The following PRH1 variants were observed in gnomAD, a reference collection of about 807,000 sequenced individuals.
PRH1 encodes the protein salivary acidic proline-rich phosphoprotein 1/2.
In PRH1, 7 loss-of-function variants were observed where a neutral mutation model predicts 7.9. The observed-to-expected ratio is 0.89, with a 90% CI of 0.50 to 1.67. PRH1 has a LOEUF of 1.67. Among genes scored for constraint, PRH1 ranks in the 40% most tolerant of loss-of-function variants. The probability of loss-of-function intolerance (pLI) is 0.00; values close to 1 mark genes in which losing one functional copy is unlikely to be tolerated. For synonymous variants in PRH1, 45 were observed against 80.8 expected, an observed-to-expected ratio of 0.56 and a Z score of 2.38; for missense variants, 109 against 223.6, an observed-to-expected ratio of 0.49 and a Z score of 3.27.
chr12:11,104,109 TTTAGA>T (rs1945336638), intron 1 of PRH1, among the ~76,000 whole-genome samples: 1 of 150,868 alleles, frequency 6.6e-6, no homozygotes, highest in African/African-American at 2.4e-5. Flanking sequence ...ATTCACTTTA[TTTAGA>T]TATTTGATTC....
intron 1 of PRH1, among the ~76,000 whole-genome samples, chr12:11,040,275 A>C (rs147531388): frequency 8.1e-4 from 123 of 152,316 alleles, no homozygotes; most frequent in African/African-American, 2.8e-3. Context: ...AATTGTTTCT[A>C]AGAGAGGATT....
chr12:10,934,142 T>A (rs1259983277), intron 2 of PRH1, among the ~76,000 whole-genome samples: 1 of 152,200 alleles, frequency 6.6e-6, no homozygotes, highest in Admixed American at 6.5e-5. Context: ...TTTAATGCCA[T>A]TGTGATAGCA....
chr12:11,014,345 C>A (rs1357582339), intron 1 of PRH1, among the ~76,000 whole-genome samples: 1 of 151,872 alleles, frequency 6.6e-6, no homozygotes, highest in African/African-American at 2.4e-5. Context: ...GGGCAGCATC[C>A]TGAAATCTAA....
At chr12:10,884,311 G>A (rs1183263200), upstream of PRH1, 3 of 1,550,516 alleles carry the variant, frequency 1.9e-6, no homozygotes, top group Non-Finnish European at 1.8e-6. Flanking sequence ...GTGCATTTGA[G>A]CTCCCTACCA....
chr12:11,094,231 G>A (rs1945018030), intron 1 of PRH1, among the ~76,000 whole-genome samples: 1 of 101,880 alleles, frequency 9.8e-6, no homozygotes, highest in African/African-American at 3.3e-5. Context: ...GAACCCCGGA[G>A]GCGGAGGTTG....
intron 1 of PRH1, among the ~76,000 whole-genome samples, chr12:11,155,456 A>T (rs751838907): frequency 6.6e-6 from 1 of 152,204 alleles, no homozygotes; most frequent in Non-Finnish European, 1.5e-5. Context: ...CAAAACTAGA[A>T]TTTTATGTGA....
chr12:10,985,813 C>T (rs2135980499), intron 1 of PRH1: 6 of 881,038 alleles, frequency 6.8e-6, no homozygotes, highest in Middle Eastern at 3.6e-4. Context: ...TCTAGGTATG[C>T]TTTCAGAAAA....
chr12:10,973,473 T>A, intron 2 of PRH1: 1 of 453,026 alleles, frequency 2.2e-6, no homozygotes, highest in Non-Finnish European at 3.9e-6. Context: ...ACAACTACTA[T>A]CAGCCTTAGG....
At chr12:11,161,675 T>C (rs1947419042) in intron 1 of PRH1, among the ~76,000 whole-genome samples, 1 of 152,048 alleles carries the variant, frequency 6.6e-6, no homozygotes, top group African/African-American at 2.4e-5. Context: ...CAGAGGGGTA[T>C]AAAATCTCAC....
At chr12:10,916,769 C>G (rs1045372750) in intron 2 of PRH1, among the ~76,000 whole-genome samples, 3 of 151,854 alleles carry the variant, frequency 2.0e-5, no homozygotes, top group Admixed American at 2.0e-4. Context: ...ATATTTGAGC[C>G]GGGCACAGTG....
At chr12:11,080,738 T>C (rs201248287) in intron 1 of PRH1, among the ~76,000 whole-genome samples, 5,704 of 47,890 alleles carry the variant, frequency 0.12, 656 homozygotes, top group Non-Finnish European at 0.2. Context: ...TTCAACTTTG[T>C]ATTTTCAGTA....
At chr12:11,171,414 A>T in intron 1 of PRH1, 1 of 1,231,904 alleles carries the variant, frequency 8.1e-7, no homozygotes, top group East Asian at 3.2e-5. Context: ...CCCCGCCGCG[A>T]CACCCACCTC....
intron 1 of PRH1, chr12:11,030,793 C>T (rs769271194): frequency 3.1e-5 from 50 of 1,614,034 alleles, no homozygotes; most frequent in Non-Finnish European, 4.1e-5. Context: ...AGTTTCCTAG[C>T]GTGGTTACAG....
chr12:11,009,202 T>C (rs1448196785), intron 1 of PRH1, among the ~76,000 whole-genome samples: 1 of 151,906 alleles, frequency 6.6e-6, no homozygotes, highest in Admixed American at 6.6e-5. Flanking sequence ...TACTGTTCCT[T>C]GGAAACACAC....
At chr12:11,047,507 G>A (rs1234296152), upstream of PRH1, among the ~76,000 whole-genome samples, 1 of 106,460 alleles carries the variant, frequency 9.4e-6, no homozygotes, top group Non-Finnish European at 2.1e-5. Context: ...GACATCAGAT[G>A]TCAATTTCAA....
At chr12:11,004,860 A>G (rs1370788962) in intron 1 of PRH1, among the ~76,000 whole-genome samples, 1 of 152,128 alleles carries the variant, frequency 6.6e-6, no homozygotes, top group Non-Finnish European at 1.5e-5. Context: ...AAGGAAACAA[A>G]GAAAAAATAT....
At chr12:10,905,722 C>G (rs1002187763) in intron 2 of PRH1, among the ~76,000 whole-genome samples, 1 of 151,900 alleles carries the variant, frequency 6.6e-6, no homozygotes, top group Non-Finnish European at 1.5e-5. Context: ...CCATAGAATA[C>G]TATGTAGCCA....
At chr12:10,911,341 G>A (rs566639678) in intron 2 of PRH1, among the ~76,000 whole-genome samples, 2 of 152,238 alleles carry the variant, frequency 1.3e-5, no homozygotes, top group East Asian at 1.9e-4. Flanking sequence ...ACAGGCTTGC[G>A]GTTCTGAGCT....
upstream of PRH1, among the ~76,000 whole-genome samples, chr12:11,051,149 C>T (rs796856198): frequency 2.8e-5 from 4 of 142,312 alleles, no homozygotes; most frequent in Admixed American, 1.4e-4. Flanking sequence ...ACATGTCCAC[C>T]CCTGTTGTGT....
Sources: gnomAD v4.1 joint callset for allele counts (sites outside exome capture counted in the v4.1 genomes callset) on GRCh38, gnomAD v4.1.1 for gene constraint, MANE v1.5 for transcripts, NCBI Gene and HGNC (gene_info 2026-07-23, HGNC 2026-07-21) for gene names.